Variants in STARD13 observed in about 807,000 individuals in gnomAD.
The protein encoded by STARD13 is StAR related lipid transfer domain containing 13, also known as stAR-related lipid transfer protein 13.
In STARD13, 62 loss-of-function variants were observed where a neutral mutation model predicts 106.4. The observed-to-expected ratio is 0.58, with a 90% CI of 0.48 to 0.72. STARD13 has a LOEUF of 0.72. STARD13 is among the 30% of genes least tolerant of loss of function. The pLI, the probability that STARD13 is intolerant of heterozygous loss-of-function variation, is 0.00. For synonymous variants in STARD13, 565 were observed against 553.0 expected, an observed-to-expected ratio of 1.02 and a Z score of -0.31; for missense variants, 1,387 against 1,424.0, an observed-to-expected ratio of 0.97 and a Z score of 0.42.
At chr13:33,390,961 A>G in the STARD13 span, among the ~76,000 whole-genome samples, 4 of 152,266 alleles carry the variant, frequency 2.6e-5, no homozygotes, top group South Asian at 6.2e-4. Context: ...TACTGATTTT[A>G]TCAGGCAGCA....
chr13:33,271,578 C>A (rs1187965239), intron 1 of STARD13: 1 of 152,190 alleles, frequency 6.6e-6, no homozygotes, highest in Non-Finnish European at 1.5e-5. Flanking sequence ...ACTTAGGAAC[C>A]TCAGGTAGGT....
chr13:33,311,642 T>G (rs564272455), intron 1 of STARD13, among the ~76,000 whole-genome samples: 73 of 152,374 alleles, frequency 4.8e-4, no homozygotes, highest in Admixed American at 2.4e-3. Flanking sequence ...TATTTACGTA[T>G]TTCATCACTT....
chr13:33,532,901 A>C, the STARD13 span, among the ~76,000 whole-genome samples: 1 of 152,136 alleles, frequency 6.6e-6, no homozygotes, highest in Non-Finnish European at 1.5e-5. Context: ...GTTCTTGTGG[A>C]CCAGATGGGC....
chr13:33,188,406 G>A (rs1885962813), intron 1 of STARD13: 1 of 152,096 alleles, frequency 6.6e-6, no homozygotes, highest in Non-Finnish European at 1.5e-5. Flanking sequence ...CATTGAATGA[G>A]TCATACAACA....
the STARD13 span, among the ~76,000 whole-genome samples, chr13:33,489,320 T>A: frequency 1.3e-5 from 2 of 152,234 alleles, no homozygotes; most frequent in Admixed American, 6.5e-5. Flanking sequence ...CTCTTTTAAC[T>A]TCCATAGGGC....
chr13:33,353,034 C>T (rs913570592), upstream of STARD13, among the ~76,000 whole-genome samples: 5 of 152,204 alleles, frequency 3.3e-5, no homozygotes, highest in South Asian at 2.1e-4. Flanking sequence ...CCCGAGACCA[C>T]GTCCCTCACC....
At chr13:33,499,761 CTTT>C in the STARD13 span, among the ~76,000 whole-genome samples, 13 of 94,572 alleles carry the variant, frequency 1.4e-4, no homozygotes, top group Middle Eastern at 5.3e-3. Flanking sequence ...CTTCTTCTTT[CTTT>C]TTTTTTTTTT....
At chr13:33,472,533 C>T in the STARD13 span, among the ~76,000 whole-genome samples, 6 of 151,302 alleles carry the variant, frequency 4.0e-5, no homozygotes, top group African/African-American at 7.3e-5. Context: ...CCCTCAGTTG[C>T]GAGTTGTCAC....
intron 1 of STARD13, among the ~76,000 whole-genome samples, chr13:33,239,047 C>G (rs1889337286): frequency 6.6e-6 from 1 of 151,850 alleles, no homozygotes; most frequent in Non-Finnish European, 1.5e-5. Context: ...TCCCCCCCAG[C>G]CACTGACAGT....
chr13:33,453,256 C>T, the STARD13 span, among the ~76,000 whole-genome samples: 1 of 152,218 alleles, frequency 6.6e-6, no homozygotes, highest in African/African-American at 2.4e-5. Flanking sequence ...ACAAAACATG[C>T]TATGCTTCAT....
At chr13:33,622,493 G>A in the STARD13 span, among the ~76,000 whole-genome samples, 1 of 151,736 alleles carries the variant, frequency 6.6e-6, no homozygotes, top group South Asian at 2.1e-4. Context: ...CAAAAAACTA[G>A]TCGGGCGTAC....
the STARD13 span, among the ~76,000 whole-genome samples, chr13:33,626,316 G>A: frequency 6.6e-6 from 1 of 152,102 alleles, no homozygotes; most frequent in East Asian, 1.9e-4. Flanking sequence ...AGTACCTCAC[G>A]CTTGACCTCC....
intron 1 of STARD13, among the ~76,000 whole-genome samples, chr13:33,204,174 C>T (rs762632121): frequency 2.6e-5 from 4 of 152,190 alleles, no homozygotes; most frequent in Admixed American, 1.3e-4. Context: ...AAAACAGGTG[C>T]GGATGCTACC....
At chr13:33,163,731 A>AAACATATATATAT (rs1348241719) in intron 3 of STARD13, among the ~76,000 whole-genome samples, 19 of 78,540 alleles carry the variant, frequency 2.4e-4, no homozygotes, top group Admixed American at 1.6e-3. Context: ...AACATATATA[A>AAACATATATATAT]AACATATATA....
intron 1 of STARD13, among the ~76,000 whole-genome samples, chr13:33,277,130 G>A (rs1309068036): frequency 6.6e-6 from 1 of 151,940 alleles, no homozygotes; most frequent in Non-Finnish European, 1.5e-5. Flanking sequence ...TCCCTAGACT[G>A]CACCAGTCCA....
chr13:33,412,082 T>C, the STARD13 span, among the ~76,000 whole-genome samples: 23,123 of 152,204 alleles, frequency 0.15, 4,226 homozygotes, highest in African/African-American at 0.43. Context: ...TTCCACATTC[T>C]GTTGATGGTT....
chr13:33,261,882 T>C (rs893770837), intron 1 of STARD13, among the ~76,000 whole-genome samples: 7 of 152,126 alleles, frequency 4.6e-5, no homozygotes, highest in African/African-American at 1.7e-4. Flanking sequence ...TATGCACGGG[T>C]TGCTTGGGTT....
the STARD13 span, among the ~76,000 whole-genome samples, chr13:33,539,526 C>A: frequency 6.6e-6 from 1 of 152,142 alleles, no homozygotes; most frequent in African/African-American, 2.4e-5. Context: ...CAGTGTGGGA[C>A]TGGGTTAAGA....
At chr13:33,382,483 G>A in the STARD13 span, among the ~76,000 whole-genome samples, 1 of 152,148 alleles carries the variant, frequency 6.6e-6, no homozygotes, top group Non-Finnish European at 1.5e-5. Flanking sequence ...TTATTTATGT[G>A]GTTATTTGTT....
Sources: gnomAD v4.1 joint callset for allele counts (sites outside exome capture counted in the v4.1 genomes callset) on GRCh38, gnomAD v4.1.1 for gene constraint, MANE v1.5 for transcripts, NCBI Gene and HGNC (gene_info 2026-07-23, HGNC 2026-07-21) for gene names.